Variants in GRIA1 observed in about 807,000 individuals in gnomAD.
GRIA1 encodes glutamate receptor 1.
GRIA1 carries 31 observed loss-of-function variants against 99.2 expected under a neutral mutation model. That is an observed-to-expected ratio of 0.31 (90% CI 0.23 to 0.42). GRIA1 has a LOEUF of 0.42. Among genes scored for constraint, GRIA1 ranks in the 10% least tolerant of loss-of-function variants. GRIA1 has a pLI of 1.00. For missense variants in GRIA1, 782 were observed against 1,157.5 expected (o/e 0.68, Z 4.71); for synonymous variants, 438 against 432.4 (o/e 1.01, Z -0.16).
intron 2 of GRIA1, among the ~76,000 whole-genome samples, chr5:153,536,639 G>A (rs530083416): frequency 2.4e-4 from 37 of 152,286 alleles, no homozygotes; most frequent in African/African-American, 8.9e-4. Context: ...AATAGCTTTT[G>A]GAATCCATTG....
chr5:153,557,510 C>T (rs1760755234), intron 2 of GRIA1, among the ~76,000 whole-genome samples: 1 of 152,192 alleles, frequency 6.6e-6, no homozygotes, highest in Non-Finnish European at 1.5e-5. Context: ...CTTTTTGACT[C>T]TTTTGTAGTA....
At chr5:153,799,786 C>G (rs145507357) in intron 14 of GRIA1, among the ~76,000 whole-genome samples, 3 of 152,106 alleles carry the variant, frequency 2.0e-5, no homozygotes, top group South Asian at 2.1e-4. Flanking sequence ...CTCCCTGGGC[C>G]GGAGACCTTC....
intron 11 of GRIA1, among the ~76,000 whole-genome samples, chr5:153,742,116 A>G (rs1016190170): frequency 6.6e-6 from 1 of 152,128 alleles, no homozygotes; most frequent in Non-Finnish European, 1.5e-5. Context: ...ACGAAAAAAA[A>G]TATGTTGCTT....
chr5:153,549,067 A>T (rs1036741340), intron 2 of GRIA1, among the ~76,000 whole-genome samples: 2 of 152,204 alleles, frequency 1.3e-5, no homozygotes, highest in Admixed American at 1.3e-4. Flanking sequence ...CAGAAGTGAG[A>T]TATTTAGGTA....
At chr5:153,776,539 C>G (rs967862396) in intron 13 of GRIA1, among the ~76,000 whole-genome samples, 1 of 152,204 alleles carries the variant, frequency 6.6e-6, no homozygotes, top group Non-Finnish European at 1.5e-5. Flanking sequence ...GGCCGTCGAT[C>G]ACCTTTACTT....
rs547003219 is a variant in GRIA1, at chr5:153,724,180, AGGGT to A, written c.1823+18114_1823+18117del. ...GCAAACTCCAACAGACCTGCAGCTG[AGGGT>A]CCTGTCTCTTAGAAGGAAAACTAAC... is the stretch of plus-strand genomic sequence containing the variant. On this transcript the variant is annotated intron_variant, in intron 11 of 15. Transcript: ENST00000285900. 8.6e-3 allele frequency among the ~76,000 whole-genome samples: 1,310 copies of A among 152,312 alleles called. 6 individuals carry two copies. The highest frequency in any genetic ancestry group is 0.014 in the Middle Eastern group (4 of 294).
At position 153,631,593 on chromosome 5, in the gene GRIA1, G is replaced by A. The variant is rs188436052; in HGVS notation, c.221-15335G>A. On this transcript the variant is annotated intron_variant, in intron 2 of 15. Transcript: ENST00000285900. ...ATCAGAGAGACGACTCTAAGGTTGG[G>A]GAAAAGCATGGAAGAAAATCTAAAC... Among the ~76,000 whole-genome samples the A allele has an allele frequency of 3.0e-3, 453 of 152,198 alleles. 3 individuals are homozygous for A. The highest frequency in any genetic ancestry group is 3.1e-3 in the Non-Finnish European group (212 of 68,010).
chr5:153,610,077 G>A (rs1023434523), intron 2 of GRIA1, among the ~76,000 whole-genome samples: 1 of 152,192 alleles, frequency 6.6e-6, no homozygotes, highest in African/African-American at 2.4e-5. Context: ...CCTCTATGAG[G>A]ACAGATTGCC....
chr5:153,723,335 T>C (rs1760218319), intron 11 of GRIA1, among the ~76,000 whole-genome samples: 1 of 152,226 alleles, frequency 6.6e-6, no homozygotes. Context: ...GGGTGATTTC[T>C]GCATTTCCAT....
At chr5:153,504,263 G>T (rs490922) in intron 2 of GRIA1, among the ~76,000 whole-genome samples, 1 of 151,436 alleles carries the variant, frequency 6.6e-6, no homozygotes, top group African/African-American at 2.4e-5. Flanking sequence ...CCCTCAAAGG[G>T]AATCAGGATG....
At chr5:153,683,836 C>G (rs1222483133) in intron 7 of GRIA1, among the ~76,000 whole-genome samples, 2 of 152,134 alleles carry the variant, frequency 1.3e-5, no homozygotes, top group Admixed American at 1.3e-4. Context: ...GTGCTAAGTA[C>G]TTCTTGGAGG....
chr5:153,684,618 C>T (rs1757217789), intron 7 of GRIA1, among the ~76,000 whole-genome samples: 1 of 152,180 alleles, frequency 6.6e-6, no homozygotes, highest in Non-Finnish European at 1.5e-5. Flanking sequence ...GAATGAGTCA[C>T]TTACATGGTA....
At chr5:153,753,540 G>T (rs1762627668) in intron 11 of GRIA1, among the ~76,000 whole-genome samples, 1 of 152,126 alleles carries the variant, frequency 6.6e-6, no homozygotes, top group African/African-American at 2.4e-5. Context: ...GCCTTACTGT[G>T]TGACTCTGGG....
chr5:153,499,264 T>C (rs1163040274), intron 2 of GRIA1, among the ~76,000 whole-genome samples: 3 of 152,126 alleles, frequency 2.0e-5, no homozygotes, highest in Non-Finnish European at 4.4e-5. Context: ...AAACCTAAGC[T>C]AGTATTTAAA....
chr5:153,693,420 C>A (rs1249798854), intron 8 of GRIA1, among the ~76,000 whole-genome samples: 1 of 152,142 alleles, frequency 6.6e-6, no homozygotes, highest in Admixed American at 6.6e-5. Context: ...CCACAATAGA[C>A]AACTTAGTCT....
chr5:153,654,191 A>G (rs1581409284), intron 4 of GRIA1, among the ~76,000 whole-genome samples: 1 of 152,118 alleles, frequency 6.6e-6, no homozygotes, highest in South Asian at 2.1e-4. Flanking sequence ...CTCTTAATAC[A>G]TATTTGTGAA....
At chr5:153,570,545 AT>A (rs1268557596) in intron 2 of GRIA1, among the ~76,000 whole-genome samples, 2 of 152,226 alleles carry the variant, frequency 1.3e-5, no homozygotes, top group Non-Finnish European at 2.9e-5. Flanking sequence ...AGAATAGACA[AT>A]TTTTTTTCCT....
intron 15 of GRIA1, among the ~76,000 whole-genome samples, chr5:153,806,963 T>C (rs1487785177): frequency 6.6e-6 from 1 of 152,212 alleles, no homozygotes; most frequent in Non-Finnish European, 1.5e-5. Context: ...GCCAAGCCAC[T>C]TTTCCTAAAT....
At chr5:153,632,365 C>A (rs374907295) in intron 2 of GRIA1, among the ~76,000 whole-genome samples, 1 of 152,138 alleles carries the variant, frequency 6.6e-6, no homozygotes, top group Non-Finnish European at 1.5e-5. Context: ...TCTGCATGAC[C>A]AAACTTACAG....
Sources: gnomAD v4.1 joint callset for allele counts (sites outside exome capture counted in the v4.1 genomes callset) on GRCh38, gnomAD v4.1.1 for gene constraint, MANE v1.5 for transcripts, NCBI Gene and HGNC (gene_info 2026-07-23, HGNC 2026-07-21) for gene names.